EPM2A: variants seen among roughly 807,000 people sequenced by gnomAD.
EPM2A encodes laforin.
A neutral mutation model predicts 26.5 loss-of-function variants in EPM2A; 21 were observed. That is an observed-to-expected ratio of 0.79 (90% CI 0.56 to 1.14). The LOEUF (loss-of-function observed/expected upper bound fraction) is 1.14. EPM2A is among the 50% of genes most tolerant of loss of function. The pLI is 0.00. For missense variants in EPM2A, 458 were observed against 440.8 expected (o/e 1.04, Z -0.35); for synonymous variants, 217 against 177.6 (o/e 1.22, Z -1.76).
chr6:145,535,784 A>G (rs943677428), intron 2 of EPM2A, among the ~76,000 whole-genome samples: 1 of 152,222 alleles, frequency 6.6e-6, no homozygotes, highest in South Asian at 2.1e-4. Context: ...TGTTGTTTAT[A>G]GTTTCAATTG....
chr6:145,640,211 T>C (rs1776987909), intron 2 of EPM2A: 1 of 152,316 alleles, frequency 6.6e-6, no homozygotes. Flanking sequence ...CCAAGCACTT[T>C]GTAAAAATCA....
At chr6:145,585,748 A>G (rs1781188266) in intron 2 of EPM2A, among the ~76,000 whole-genome samples, 1 of 152,006 alleles carries the variant, frequency 6.6e-6, no homozygotes, top group South Asian at 2.1e-4. Flanking sequence ...AATATTTTTG[A>G]GTTTTGTTTT....
intron 4 of EPM2A, among the ~76,000 whole-genome samples, chr6:145,446,741 C>T (rs1373764009): frequency 6.6e-6 from 1 of 151,884 alleles, no homozygotes; most frequent in Admixed American, 6.6e-5. Flanking sequence ...CTTGGAAAAT[C>T]GTCCCACACA....
At chr6:145,644,254 C>A (rs933911354) in intron 2 of EPM2A, among the ~76,000 whole-genome samples, 2 of 152,128 alleles carry the variant, frequency 1.3e-5, no homozygotes, top group Non-Finnish European at 2.9e-5. Flanking sequence ...AAAAATTCTA[C>A]TAACTATAGA....
intron 1 of EPM2A, among the ~76,000 whole-genome samples, chr6:145,701,244 C>G (rs190136343): frequency 1.9e-4 from 29 of 152,296 alleles, no homozygotes; most frequent in African/African-American, 6.7e-4. Flanking sequence ...AACAGAAAAT[C>G]TGGTTAACAG....
intron 2 of EPM2A, among the ~76,000 whole-genome samples, chr6:145,597,470 T>TTA (rs1562397237): frequency 2.1e-5 from 3 of 145,574 alleles, no homozygotes; most frequent in African/African-American, 2.6e-5. Flanking sequence ...CCTGTTTATT[T>TTA]TTTTTTCTTT....
chr6:145,499,001 C>A (rs1021409651), downstream of EPM2A, among the ~76,000 whole-genome samples: 2 of 152,212 alleles, frequency 1.3e-5, no homozygotes, highest in Non-Finnish European at 2.9e-5. Flanking sequence ...CTTAGACAGA[C>A]AACTGGCTGC....
chr6:145,450,350 C>CAAAAAAAAAAAAAAAAA (rs368618860), intron 4 of EPM2A, among the ~76,000 whole-genome samples: 1 of 62,494 alleles, frequency 1.6e-5, no homozygotes, highest in Non-Finnish European at 3.0e-5. Flanking sequence ...GACTCCGTCT[C>CAAAAAAAAAAAAAAAAA]AAAAAAAAAA....
intron 2 of EPM2A, among the ~76,000 whole-genome samples, chr6:145,591,468 T>C (rs972627162): frequency 6.6e-6 from 1 of 151,878 alleles, no homozygotes; most frequent in Non-Finnish European, 1.5e-5. Context: ...GGGGAGGAAA[T>C]AACTTTACCT....
chr6:145,395,045 C>G (rs1267427809), intron 4 of EPM2A, among the ~76,000 whole-genome samples: 1 of 152,142 alleles, frequency 6.6e-6, no homozygotes, highest in Non-Finnish European at 1.5e-5. Context: ...TGTCAGAATT[C>G]TATTAAGTTT....
chr6:145,482,135 T>A (rs1459635039), intron 4 of EPM2A, among the ~76,000 whole-genome samples: 2 of 152,182 alleles, frequency 1.3e-5, no homozygotes, highest in African/African-American at 2.4e-5. Flanking sequence ...TTACATTTTC[T>A]CCTGAAAAAT....
chr6:145,635,055 C>T, intron 3 of EPM2A, 190 bp downstream of exon 3: 1 of 612,702 alleles, frequency 1.6e-6, no homozygotes, highest in Non-Finnish European at 2.7e-6. Flanking sequence ...AATGAATAAA[C>T]AAAGAAGCCA....
intron 4 of EPM2A, among the ~76,000 whole-genome samples, chr6:145,477,132 C>T (rs1334846289): frequency 1.3e-5 from 2 of 151,710 alleles, no homozygotes; most frequent in Non-Finnish European, 2.9e-5. Flanking sequence ...ACTGCAGAAA[C>T]TCAAAGGATC....
intron 4 of EPM2A, among the ~76,000 whole-genome samples, chr6:145,473,492 T>G (rs1048383318): frequency 6.6e-6 from 1 of 151,818 alleles, no homozygotes; most frequent in Non-Finnish European, 1.5e-5. Context: ...AGGTAGAAAG[T>G]TTACTCAAAG....
intron 2 of EPM2A, among the ~76,000 whole-genome samples, chr6:145,601,641 A>G (rs6903252): frequency 0.5 from 76,687 of 152,034 alleles, 20,215 homozygotes; most frequent in African/African-American, 0.65. Flanking sequence ...TAATATCAGC[A>G]TGATGGCAAG....
At chr6:145,575,370 G>T (rs992204033) in intron 2 of EPM2A, among the ~76,000 whole-genome samples, 1 of 152,138 alleles carries the variant, frequency 6.6e-6, no homozygotes, top group African/African-American at 2.4e-5. Flanking sequence ...GTAGACACCT[G>T]GCGAGGCAGT....
chr6:145,693,295 G>T (rs1202405556), intron 1 of EPM2A, among the ~76,000 whole-genome samples: 1 of 151,938 alleles, frequency 6.6e-6, no homozygotes, highest in Non-Finnish European at 1.5e-5. Flanking sequence ...TTGTTTATCA[G>T]AACAAGGAGC....
chr6:145,633,508 G>A (rs1217037869), intron 3 of EPM2A, among the ~76,000 whole-genome samples: 1 of 152,100 alleles, frequency 6.6e-6, no homozygotes, highest in Non-Finnish European at 1.5e-5. Context: ...ACTGTCAGCA[G>A]CTCTCTCCAC....
chr6:145,631,208 T>A (rs188380177), intron 3 of EPM2A: 27 of 151,938 alleles, frequency 1.8e-4, no homozygotes, highest in African/African-American at 6.0e-4. Context: ...TGTGACCCAC[T>A]AAGGAATAAA....
Sources: gnomAD v4.1 joint callset for allele counts (sites outside exome capture counted in the v4.1 genomes callset) on GRCh38, gnomAD v4.1.1 for gene constraint, MANE v1.5 for transcripts, NCBI Gene and HGNC (gene_info 2026-07-23, HGNC 2026-07-21) for gene names.